Variants in CDH11 observed in about 807,000 individuals in gnomAD.
CDH11 encodes cadherin 11.
Under a neutral mutation model 67.8 loss-of-function variants are expected in CDH11, and 11 were observed. That is an observed-to-expected ratio of 0.16 (90% CI 0.10 to 0.27). The LOEUF is 0.27. Among genes scored for constraint, CDH11 ranks in the 10% least tolerant of loss-of-function variants. The pLI is 1.00. For synonymous variants in CDH11, 419 were observed against 400.0 expected (o/e 1.05, Z -0.57); for missense variants, 847 against 1,031.2 (o/e 0.82, Z 2.45).
chr16:64,988,495 G>A (rs2072546740), intron 6 of CDH11, 151 bp from the exon 7 acceptor site: 1 of 671,694 alleles, frequency 1.5e-6, no homozygotes, highest in Non-Finnish European at 2.5e-6. Context: ...GATGTGGGGA[G>A]GAGGATCCCA....
intron 1 of CDH11, among the ~76,000 whole-genome samples, chr16:65,098,857 G>A (rs77267589): frequency 0.064 from 9,784 of 152,128 alleles, 514 homozygotes; most frequent in African/African-American, 0.15. Context: ...GTGTGTGGGG[G>A]AGGTGGGGCG....
chr16:64,972,129 T>C, intron 9 of CDH11, 65 bp from the exon 10 acceptor site: 1 of 1,477,120 alleles, frequency 6.8e-7, no homozygotes, highest in Non-Finnish European at 9.4e-7. Flanking sequence ...TCCAGGCATA[T>C]TCTTGGGAAA....
At chr16:64,959,439 G>A (rs1027023739) in intron 11 of CDH11, among the ~76,000 whole-genome samples, 3 of 152,168 alleles carry the variant, frequency 2.0e-5, no homozygotes, top group Non-Finnish European at 2.9e-5. Context: ...AAGAGATTCA[G>A]GGGGATATTG....
chr16:65,081,216 C>T (rs187964058), intron 1 of CDH11, among the ~76,000 whole-genome samples: 21 of 152,054 alleles, frequency 1.4e-4, no homozygotes, highest in Admixed American at 5.9e-4. Flanking sequence ...AAACATATTC[C>T]ACAGATAAGC....
chr16:64,997,348 C>T (rs1456422195), intron 4 of CDH11, among the ~76,000 whole-genome samples: 2 of 141,026 alleles, frequency 1.4e-5, no homozygotes, highest in Non-Finnish European at 3.1e-5. Context: ...AACAAACCTG[C>T]ACATGTACCC....
At chr16:65,102,570 G>A (rs1475154533) in intron 1 of CDH11, among the ~76,000 whole-genome samples, 1 of 152,190 alleles carries the variant, frequency 6.6e-6, no homozygotes, top group Non-Finnish European at 1.5e-5. Flanking sequence ...GATGCAAACA[G>A]AACCATAAAC....
chr16:65,051,953 T>C (rs1311145677), intron 2 of CDH11, among the ~76,000 whole-genome samples: 1 of 152,190 alleles, frequency 6.6e-6, no homozygotes, highest in Non-Finnish European at 1.5e-5. Flanking sequence ...TTCTCCAAGA[T>C]TGAGTTTTCT....
chr16:65,070,028 A>G lies in CDH11; in HGVS notation c.-297-16100T>C, dbSNP rs962285515. Among the ~76,000 whole-genome samples the G allele has an allele frequency of 3.9e-5, 6 of 152,190 alleles. No homozygotes were observed. The South Asian group carries it at 1.2e-3, about 32-fold the overall frequency. The stretch of plus-strand genomic sequence containing the variant: ...TTTGCCATCTGACTCAGAATAAATT[A>G]GCCAATAACCCCATCAGCCTGTAGA... On this transcript the variant is annotated intron_variant, in intron 1 of 12. Coordinates refer to ENST00000268603, the MANE Select transcript of CDH11 (RefSeq NM_001797.4).
chr16:65,092,910 C>G (rs1597184494), intron 1 of CDH11, among the ~76,000 whole-genome samples: 1 of 150,022 alleles, frequency 6.7e-6, no homozygotes, highest in African/African-American at 2.4e-5. Flanking sequence ...ATTCAGCTTA[C>G]AGTATTTACA....
At chr16:64,978,382 G>C (rs2072238148) in intron 8 of CDH11, among the ~76,000 whole-genome samples, 1 of 152,150 alleles carries the variant, frequency 6.6e-6, no homozygotes, top group African/African-American at 2.4e-5. Flanking sequence ...TAGAATCTCT[G>C]TTTCAACTAC....
intron 2 of CDH11, among the ~76,000 whole-genome samples, chr16:65,037,990 CT>C (rs200400587): frequency 6.6e-6 from 1 of 151,564 alleles, no homozygotes; most frequent in African/African-American, 2.4e-5. Flanking sequence ...AGTGTTCATT[CT>C]TTTTTTTTCT....
chr16:65,047,664 T>C (rs1211658313), intron 2 of CDH11, among the ~76,000 whole-genome samples: 1 of 152,178 alleles, frequency 6.6e-6, no homozygotes, highest in Non-Finnish European at 1.5e-5. Context: ...CTTTTAAATT[T>C]TAACCGTCTT....
intron 4 of CDH11, among the ~76,000 whole-genome samples, chr16:64,997,436 A>G (rs987859237): frequency 2.7e-5 from 4 of 150,432 alleles, no homozygotes; most frequent in African/African-American, 4.9e-5. Context: ...ATGAGCCCGC[A>G]AAGGTGAGAA....
Position 64,973,808 on chromosome 16 carries a change from GA to G in CDH11, c.1254-769del, listed in dbSNP as rs200365269. Among the ~76,000 whole-genome samples, 10 of 147,502 alleles carry G rather than the reference GA, an allele frequency of 6.8e-5. No homozygotes were observed. In the East Asian group the frequency reaches 1.2e-3, roughly 18 times the overall value. The stretch of plus-strand genomic sequence containing the variant: ...GTGACAGAGAAAGACTCTGTCTCAG[GA>G]AAAAAAAAAGACAAAAGAAAAATGT... On this transcript the variant is annotated intron_variant, in intron 8 of 12. Coordinates refer to ENST00000268603, the MANE Select transcript of CDH11 (RefSeq NM_001797.4).
chr16:65,005,405 T>C (rs1238636822), intron 2 of CDH11, among the ~76,000 whole-genome samples: 2 of 152,174 alleles, frequency 1.3e-5, no homozygotes, highest in African/African-American at 4.8e-5. Flanking sequence ...TAATCCACAC[T>C]GGGGTTCAGT....
chr16:65,073,568 G>T (rs2142774644), intron 1 of CDH11, among the ~76,000 whole-genome samples: 1 of 152,306 alleles, frequency 6.6e-6, no homozygotes, highest in East Asian at 1.9e-4. Flanking sequence ...ATAGGCGTGA[G>T]CCACCACACT....
intron 8 of CDH11, among the ~76,000 whole-genome samples, chr16:64,980,580 G>C (rs2072306018): frequency 6.6e-6 from 1 of 152,190 alleles, no homozygotes; most frequent in Admixed American, 6.5e-5. Context: ...GTGAAGTCCA[G>C]GGATTAGGAG....
At position 65,121,728 on chromosome 16, in the gene CDH11, T is replaced by C. The variant is rs2142906642; in HGVS notation, c.-298+152A>G. ...TTTTAAACAAATCTCTCCCTCCCTT[T>C]TGCTTTGCGTTAGTGAAGCCTTCTC... On this transcript the variant is annotated intron_variant, in intron 1 of 12. Coordinates refer to ENST00000268603, the MANE Select transcript of CDH11 (RefSeq NM_001797.4). This position sits in a 1 kb window ranked among gnomAD's most constrained non-coding sequence, Gnocchi z 4.1. 1.5e-6 allele frequency: 1 copy of C among 669,476 alleles called. No homozygotes were observed. The highest frequency in any genetic ancestry group is 1.6e-5 in the South Asian group (1 of 61,978). The allele number at this position is 669,476 out of a possible 1,614,324, so 41.5% of individuals were successfully genotyped here. A position where few individuals can be genotyped will look rare whatever the true frequency, so the allele number is the denominator to read the frequency against.
Position 65,122,025 on chromosome 16 carries a change from G to A in CDH11, c.-443C>T, listed in dbSNP as rs1356057256. 3 of 688,124 alleles carry A rather than the reference G, an allele frequency of 4.4e-6. No individual in the cohort carries two copies. In the South Asian group the frequency reaches 4.5e-5, roughly 10 times the overall value. 42.6% of individuals were successfully genotyped at this position (688,124 alleles called of 1,614,324 possible). On this transcript the variant is annotated 5_prime_UTR_variant, in exon 1 of 13. Transcript: ENST00000268603. Reference sequence around the variant, plus strand: ...CGGCCCCCGCGGCATCTGCTCCTCGGCCCGCGACGCTCCCCTCAGCTGGCG... The same window carrying A: ...CGGCCCCCGCGGCATCTGCTCCTCGACCCGCGACGCTCCCCTCAGCTGGCG...
Sources: gnomAD v4.1 joint callset for allele counts (sites outside exome capture counted in the v4.1 genomes callset) on GRCh38, gnomAD v4.1.1 for gene constraint, Gnocchi (gnomAD v3.1) non-coding constraint, MANE v1.5 for transcripts, NCBI Gene and HGNC (gene_info 2026-07-23, HGNC 2026-07-21) for gene names.